The following POLR3F variants were observed in gnomAD, a reference collection of about 807,000 sequenced individuals.
POLR3F encodes the protein DNA-directed RNA polymerase III subunit RPC6.
In POLR3F, 31 loss-of-function variants were observed where a neutral mutation model predicts 43.6. The ratio of observed to expected loss-of-function variants is 0.71; its 90% confidence interval spans 0.53 to 0.96. POLR3F has a LOEUF of 0.96. Among genes scored for constraint, POLR3F ranks in the 40% least tolerant of loss-of-function variants. POLR3F has a pLI of 0.00. For missense variants in POLR3F, 316 were observed against 391.7 expected (o/e 0.81, Z 1.63); for synonymous variants, 114 against 132.5 (o/e 0.86, Z 0.96).
intron 2 of POLR3F, among the ~76,000 whole-genome samples, chr20:18,470,286 G>C (rs963960330): frequency 3.9e-5 from 6 of 152,142 alleles, no homozygotes; most frequent in Admixed American, 2.6e-4. Context: ...TGGAGATTTG[G>C]GGTCCGATGA....
chr20:18,478,097 TTA>T (rs2148865792), intron 5 of POLR3F, among the ~76,000 whole-genome samples: 1 of 152,320 alleles, frequency 6.6e-6, no homozygotes, highest in East Asian at 1.9e-4. Context: ...AGTCACCTTG[TTA>T]GCATAAACCC....
At position 18,481,685 on chromosome 20, in the gene POLR3F, A is replaced by T. The variant is rs1296155942; in HGVS notation, c.748A>T (p.Met250Leu). Residue 250 changes from methionine to leucine, a missense_variant, in exon 8 of 9, where the codon ATG becomes TTG. Around this residue, in one of 3 missense-constraint regions of POLR3F, gnomAD observed 109 missense variants for 177.7 expected, o/e 0.61. Transcript: ENST00000377603. ...NTLIYDGKVE[M>L]TIIAAKEGTV... ...ACTCATTTATGATGGAAAAGTGGAG[A>T]TGACGATTATTGCTGCAAAAGAAGG... 12 of 1,612,946 alleles carry T rather than the reference A, an allele frequency of 7.4e-6. No individual in the cohort carries two copies. The highest frequency in any genetic ancestry group is 9.3e-6 in the Non-Finnish European group (11 of 1,178,894).
At chr20:18,470,048 A>T (rs2059739987) in intron 2 of POLR3F, among the ~76,000 whole-genome samples, 1 of 152,342 alleles carries the variant, frequency 6.6e-6, no homozygotes, top group Admixed American at 6.5e-5. Flanking sequence ...GCCATTCTCC[A>T]TCTGTCCAGA....
At chr20:18,481,179 T>C (rs2148867610) in intron 7 of POLR3F, among the ~76,000 whole-genome samples, 1 of 152,308 alleles carries the variant, frequency 6.6e-6, no homozygotes, top group East Asian at 1.9e-4. Flanking sequence ...TCTTTGTGCT[T>C]TAAATTACTC....
At chr20:18,475,957 A>G (rs996620205) in intron 5 of POLR3F, among the ~76,000 whole-genome samples, 4 of 152,160 alleles carry the variant, frequency 2.6e-5, no homozygotes, top group South Asian at 2.1e-4. Flanking sequence ...TCCCTTCCAC[A>G]TTGTTTAATG....
chr20:18,475,417 T>C (rs2059774748), intron 5 of POLR3F, among the ~76,000 whole-genome samples: 1 of 152,250 alleles, frequency 6.6e-6, no homozygotes, highest in East Asian at 1.9e-4. Context: ...GAAGAATCTT[T>C]GGAACTGTGA....
At position 18,468,988 on chromosome 20, in the gene POLR3F, A is replaced by G. The variant is rs2059730433; in HGVS notation, c.107A>G (p.Gln36Arg). The change falls in exon 2 of 9, where the codon CAA becomes CGA. Residue 36 changes from glutamine (Q) to arginine (R), a missense_variant. This residue lies in a region of POLR3F where 122 missense variants were observed against 133.8 expected (regional missense o/e 0.91). Coordinates refer to ENST00000377603, the MANE Select transcript of POLR3F (RefSeq NM_006466.4). ...CAGTTCCCTCATGGAATCACAGACCAAGTAATTCAGAATGAAATGCCTCAT... is the reference window on the plus strand; with the variant it reads ...CAGTTCCCTCATGGAATCACAGACCGAGTAATTCAGAATGAAATGCCTCAT... The part of the protein sequence containing the change: ...CHQFPHGITD[Q>R]VIQNEMPHIE... The G allele has an allele frequency of 1.3e-6, 2 of 1,593,830 alleles. No homozygotes were observed. The highest frequency in any genetic ancestry group is 8.6e-7 in the Non-Finnish European group (1 of 1,161,366).
At chr20:18,467,633 C>T in intron 1 of POLR3F, 65 bp downstream of exon 1, 1 of 1,610,866 alleles carries the variant, frequency 6.2e-7, no homozygotes, top group Non-Finnish European at 8.5e-7. Flanking sequence ...AGCTGGACCC[C>T]TTCTCCGGGA....
chr20:18,478,580 C>G (rs2148866064), intron 5 of POLR3F, among the ~76,000 whole-genome samples: 1 of 152,182 alleles, frequency 6.6e-6, no homozygotes, highest in South Asian at 2.1e-4. Flanking sequence ...TAGTTACAGA[C>G]AAACAAGGAA....
At chr20:18,475,233 A>G (rs1330723142) in intron 5 of POLR3F, 46 bp downstream of exon 5, 1 of 738,800 alleles carries the variant, frequency 1.4e-6, no homozygotes, top group Admixed American at 2.4e-5. Flanking sequence ...TGTTGCTTCA[A>G]GTTTTTATTC....
chr20:18,467,738 A>G (rs2059704023), intron 1 of POLR3F, 170 bp downstream of exon 1: 5 of 1,376,250 alleles, frequency 3.6e-6, no homozygotes, highest in South Asian at 1.5e-5. Context: ...CTGGGAGAGC[A>G]GAACTCAAGA....
intron 5 of POLR3F, among the ~76,000 whole-genome samples, chr20:18,478,634 C>T (rs2059793049): frequency 6.6e-6 from 1 of 152,120 alleles, no homozygotes; most frequent in Non-Finnish European, 1.5e-5. Context: ...TTGAAAACAT[C>T]AGTATGGACT....
At chr20:18,478,205 G>A (rs977446390) in intron 5 of POLR3F, among the ~76,000 whole-genome samples, 1 of 151,554 alleles carries the variant, frequency 6.6e-6, no homozygotes, top group Non-Finnish European at 1.5e-5. Flanking sequence ...ACAAAGTCTA[G>A]CCAAATTTTT....
intron 7 of POLR3F, 124 bp downstream of exon 7, chr20:18,480,633 A>G: frequency 1.5e-6 from 1 of 662,516 alleles, no homozygotes; most frequent in South Asian, 1.9e-5. Flanking sequence ...CATTCTGCAG[A>G]ATCCACTTTG....
chr20:18,472,816 C>T lies in POLR3F; in HGVS notation c.181-26C>T, dbSNP rs757361543. On this transcript the variant is annotated intron_variant, in intron 2 of 8. Transcript: ENST00000377603. ...AACATATCTCCAAAATAACTGACTC[C>T]TGTTTTCTACTGTCTTAAAAACTAG... 4.9e-6 allele frequency: 5 copies of T among 1,018,684 alleles called. No homozygotes were observed. In the African/African-American group the frequency reaches 4.9e-5, roughly 10 times the overall value. 63.1% of individuals were successfully genotyped at this position (1,018,684 alleles called of 1,614,324 possible). A position where few individuals can be genotyped will look rare whatever the true frequency, so the allele number is the denominator to read the frequency against.
At chr20:18,470,474 C>T (rs894176197) in intron 2 of POLR3F, 1 of 154,764 alleles carries the variant, frequency 6.5e-6, no homozygotes, top group African/African-American at 2.4e-5. Flanking sequence ...ATGGCTACAG[C>T]CATGTTCCAA....
intron 6 of POLR3F, 47 bp downstream of exon 6, chr20:18,480,228 G>C (rs749978361): frequency 1.2e-5 from 18 of 1,522,636 alleles, no homozygotes; most frequent in Non-Finnish European, 1.5e-5. Flanking sequence ...CTTGTAAAAA[G>C]TTTTTCACAA....
chr20:18,467,894 A>G (rs1246076584), intron 1 of POLR3F, among the ~76,000 whole-genome samples: 1 of 152,176 alleles, frequency 6.6e-6, no homozygotes, highest in Non-Finnish European at 1.5e-5. Flanking sequence ...CTTTCCCTGT[A>G]GAACACTTGT....
chr20:18,471,362 C>G (rs889251490), intron 2 of POLR3F, among the ~76,000 whole-genome samples: 3 of 152,276 alleles, frequency 2.0e-5, no homozygotes, highest in South Asian at 2.1e-4. Flanking sequence ...CTGAACCCCC[C>G]CAGGTTGGGC....
Sources: allele counts gnomAD v4.1 joint callset (sites outside exome capture counted in the v4.1 genomes callset), GRCh38; gene constraint gnomAD v4.1.1; regional missense constraint gnomAD v4.1.1; transcripts MANE v1.5; gene names NCBI Gene and HGNC (gene_info 2026-07-23, HGNC 2026-07-21).